LRMDA: variants seen among roughly 807,000 people sequenced by gnomAD.
LRMDA encodes the protein leucine-rich melanocyte differentiation-associated protein.
LRMDA carries 18 observed loss-of-function variants against 29.8 expected under a neutral mutation model. The ratio of observed to expected loss-of-function variants is 0.60; its 90% confidence interval spans 0.42 to 0.90. LRMDA has a LOEUF of 0.90. LRMDA is among the 40% of genes least tolerant of loss of function. The probability of loss-of-function intolerance (pLI) is 0.00; values close to 1 mark genes in which losing one functional copy is unlikely to be tolerated. For missense variants in LRMDA, 273 were observed against 273.9 expected (o/e 1.00, Z 0.02); for synonymous variants, 125 against 109.4 (o/e 1.14, Z -0.89).
intron 2 of LRMDA, among the ~76,000 whole-genome samples, chr10:75,851,149 T>A (rs1844726575): frequency 6.6e-6 from 1 of 152,196 alleles, no homozygotes; most frequent in Non-Finnish European, 1.5e-5. Context: ...CTAGAACATA[T>A]TAAAATGACT....
At chr10:75,534,847 A>G (rs1268053193) in intron 2 of LRMDA, among the ~76,000 whole-genome samples, 1 of 152,170 alleles carries the variant, frequency 6.6e-6, no homozygotes, top group African/African-American at 2.4e-5. Context: ...TTTAAGCCTA[A>G]TTAGGGTTTG....
intron 6 of LRMDA, among the ~76,000 whole-genome samples, chr10:76,450,735 A>G (rs1487858078): frequency 6.6e-6 from 1 of 151,950 alleles, no homozygotes; most frequent in Non-Finnish European, 1.5e-5. Context: ...TCATTTTACC[A>G]TTGGATTTTG....
intron 5 of LRMDA, among the ~76,000 whole-genome samples, chr10:76,084,048 GA>G (rs1849092630): frequency 6.6e-6 from 1 of 152,118 alleles, no homozygotes; most frequent in South Asian, 2.1e-4. Context: ...TTCATGAACG[GA>G]GGAAGACTGT....
At chr10:75,631,578 G>C (rs1289846993) in intron 2 of LRMDA, among the ~76,000 whole-genome samples, 1 of 152,014 alleles carries the variant, frequency 6.6e-6, no homozygotes, top group Admixed American at 6.5e-5. Flanking sequence ...CAGCTTGGAC[G>C]GAGTGTTGCT....
chr10:76,193,481 G>GA (rs1454732767), intron 5 of LRMDA, among the ~76,000 whole-genome samples: 1 of 152,132 alleles, frequency 6.6e-6, no homozygotes, highest in Admixed American at 6.6e-5. Flanking sequence ...AACTTTCCCA[G>GA]AAAATTCATC....
rs561984336 is a variant in LRMDA, at chr10:75,841,304, A to C, written c.132-194704A>C. Among the ~76,000 whole-genome samples, 249 of 152,290 alleles carry C rather than the reference A, an allele frequency of 1.6e-3. 6 individuals carry two copies. The highest frequency in any genetic ancestry group is 0.016 in the Admixed American group (249 of 15,290). ...CCTTAAAGGCCTTGAGTAGCTGTGGATCTCCTATGGTTTATTATCGAACTT... is the reference window on the plus strand; with the variant it reads ...CCTTAAAGGCCTTGAGTAGCTGTGGCTCTCCTATGGTTTATTATCGAACTT... On this transcript the variant is annotated intron_variant, in intron 2 of 6. Transcript: ENST00000611255.
rs111593424 is a variant in LRMDA, at chr10:75,536,744, A to C, written c.131+98250A>C. ...GATAATTCTTAAATTTTTTTTGTAG[A>C]GATGGGGGTCTTGCTATGCTGACCA... is the stretch of plus-strand genomic sequence containing the variant. On this transcript the variant is annotated intron_variant, in intron 2 of 6. Coordinates refer to ENST00000611255, the MANE Select transcript of LRMDA (RefSeq NM_001305581.2). Among the ~76,000 whole-genome samples, 303 of 152,172 alleles carry C rather than the reference A, an allele frequency of 2.0e-3. 4 individuals are homozygous for C. The highest frequency in any genetic ancestry group is 0.019 in the South Asian group (92 of 4,816).
intron 2 of LRMDA, among the ~76,000 whole-genome samples, chr10:75,742,014 G>A (rs1470667472): frequency 1.3e-5 from 2 of 152,180 alleles, no homozygotes; most frequent in African/African-American, 4.8e-5. Context: ...GCCAGGATCA[G>A]GCCATGCCGG....
intron 2 of LRMDA, among the ~76,000 whole-genome samples, chr10:75,686,470 C>G (rs1564539743): frequency 6.6e-6 from 1 of 152,200 alleles, no homozygotes; most frequent in Non-Finnish European, 1.5e-5. Flanking sequence ...TGGCTGTCTT[C>G]CCAACCAGAC....
chr10:75,463,042 G>A (rs1046705796), intron 2 of LRMDA, among the ~76,000 whole-genome samples: 8 of 152,174 alleles, frequency 5.3e-5, no homozygotes, highest in African/African-American at 7.2e-5. Context: ...CTGAGGCTCC[G>A]TTGTTAACTC....
intron 5 of LRMDA, among the ~76,000 whole-genome samples, chr10:76,287,659 A>G (rs1840289261): frequency 6.6e-6 from 1 of 152,270 alleles, no homozygotes; most frequent in East Asian, 1.9e-4. Flanking sequence ...TGTTTGGTCC[A>G]CTTTTTAACA....
chr10:75,991,959 G>A (rs1847377612), intron 2 of LRMDA, among the ~76,000 whole-genome samples: 1 of 152,214 alleles, frequency 6.6e-6, no homozygotes, highest in South Asian at 2.1e-4. Context: ...GGCCTTCACA[G>A]AGAGCCAAGA....
intron 2 of LRMDA, among the ~76,000 whole-genome samples, chr10:75,944,318 C>T (rs1398331830): frequency 6.6e-6 from 1 of 151,948 alleles, no homozygotes; most frequent in Non-Finnish European, 1.5e-5. Flanking sequence ...TTTTTCTTTG[C>T]TTTTAATATT....
chr10:76,473,408 T>C (rs1589203629), intron 6 of LRMDA, among the ~76,000 whole-genome samples: 1 of 151,490 alleles, frequency 6.6e-6, no homozygotes, highest in Non-Finnish European at 1.5e-5. Context: ...GTTACCATCG[T>C]ACTTAATGGG....
In LRMDA at chr10:76,076,507, G is replaced by A. The variant is rs140386028; in HGVS notation, c.516+17724G>A. ...GAGAGTGGGAAGCATTGTCACGCAC[G>A]TGATCTCATTTTATCCTCATGAGAG... On this transcript the variant is annotated intron_variant, in intron 5 of 6. Transcript: ENST00000611255. Among the ~76,000 whole-genome samples the A allele has an allele frequency of 3.3e-5, 5 of 152,080 alleles. No homozygotes were observed. The East Asian group carries it at 9.7e-4, about 29-fold the overall frequency.
intron 2 of LRMDA, among the ~76,000 whole-genome samples, chr10:75,599,348 T>C (rs1388318087): frequency 6.6e-6 from 1 of 152,190 alleles, no homozygotes; most frequent in Non-Finnish European, 1.5e-5. Flanking sequence ...CCTGTACTCA[T>C]GGCAAATAAG....
rs1354963017 is a variant in LRMDA, at chr10:76,557,523, T to C, written c.*235T>C. On this transcript the variant is annotated 3_prime_UTR_variant, in exon 7 of 7. Transcript: ENST00000611255. ...CATGATTGCCCTTAAGCAGGTCTCA[T>C]CCACCAGGGTGACAGACAGCGGTGG... 1 of 562,744 alleles carries C rather than the reference T, an allele frequency of 1.8e-6. No homozygotes were observed. Among genetic ancestry groups the C allele is most frequent in the Non-Finnish European group, 3.2e-6 (1 of 316,376 alleles). The allele number at this position is 562,744 out of a possible 1,614,324, so 34.9% of individuals were successfully genotyped here.
chr10:75,641,465 A>G (rs1841452193), intron 2 of LRMDA, among the ~76,000 whole-genome samples: 1 of 151,608 alleles, frequency 6.6e-6, no homozygotes, highest in Admixed American at 6.6e-5. Flanking sequence ...TATTTTTAAT[A>G]AAGATAGTTC....
rs1327893539 is a variant in LRMDA at position 76,202,897 on chromosome 10, G to A, written c.517-121504G>A. On this transcript the variant is annotated intron_variant, in intron 5 of 6. Transcript: ENST00000611255. Reference sequence around the variant, plus strand: ...GACAGTTATCCCTGTTCCCTGCTCTGCGGAGAAATCACCAGCTTAGCAACA... The same window carrying A: ...GACAGTTATCCCTGTTCCCTGCTCTACGGAGAAATCACCAGCTTAGCAACA... Among the ~76,000 whole-genome samples the A allele has an allele frequency of 3.3e-5, 5 of 152,076 alleles. No individual in the cohort carries two copies. The East Asian group carries it at 9.6e-4, about 29-fold the overall frequency.
Sources: allele counts gnomAD v4.1 joint callset (sites outside exome capture counted in the v4.1 genomes callset), GRCh38; gene constraint gnomAD v4.1.1; transcripts MANE v1.5; gene names NCBI Gene and HGNC (gene_info 2026-07-23, HGNC 2026-07-21).